Variants in GALNT2 observed in about 807,000 individuals in gnomAD.
GALNT2 encodes polypeptide N-acetylgalactosaminyltransferase 2.
Under a neutral mutation model 81.4 loss-of-function variants are expected in GALNT2, and 31 were observed. The ratio of observed to expected loss-of-function variants is 0.38; its 90% CI spans 0.29 to 0.51. GALNT2 has a LOEUF of 0.51. GALNT2 is among the 20% of genes least tolerant of loss of function. The probability of loss-of-function intolerance (pLI) is 0.87; values close to 1 mark genes in which losing one functional copy is unlikely to be tolerated. For missense variants in GALNT2, 629 were observed against 765.7 expected (o/e 0.82, Z 2.11); for synonymous variants, 303 against 287.4 (o/e 1.05, Z -0.55).
chr1:230,250,591 G>A lies in GALNT2; in HGVS notation c.1009+31G>A. Reference sequence around the variant, plus strand: ...TACAAGCCTCAAATCTCAGGACAGAGAAGTGCCTCAGCTCTGCAAAAGGCA... The same window carrying A: ...TACAAGCCTCAAATCTCAGGACAGAAAAGTGCCTCAGCTCTGCAAAAGGCA... On this transcript the variant is annotated intron_variant, in intron 10 of 15. Transcript: ENST00000366672. 1.9e-6 allele frequency: 3 copies of A among 1,550,054 alleles called. No homozygotes were observed. In the South Asian group the frequency reaches 3.5e-5, roughly 18 times the overall value.
intron 6 of GALNT2, among the ~76,000 whole-genome samples, chr1:230,240,661 C>CT (rs1305335531): frequency 6.9e-6 from 1 of 144,372 alleles, no homozygotes; most frequent in South Asian, 2.1e-4. Context: ...GTCTCTATAT[C>CT]TGTTTTTTTT....
intron 9 of GALNT2, 93 bp downstream of exon 9, chr1:230,249,364 G>A (rs1018219289): frequency 9.3e-7 from 1 of 1,075,498 alleles, no homozygotes; most frequent in South Asian, 1.4e-5. Flanking sequence ...GACCCAGTGG[G>A]GGCTGTTCAC....
chr1:230,264,001 C>T (rs984281664), intron 13 of GALNT2: 1 of 152,294 alleles, frequency 6.6e-6, no homozygotes, highest in East Asian at 1.9e-4. Flanking sequence ...CCCATGCCCC[C>T]TAGGAGGAGA....
At chr1:230,240,237 T>C (rs1665157921) in intron 6 of GALNT2, among the ~76,000 whole-genome samples, 1 of 152,242 alleles carries the variant, frequency 6.6e-6, no homozygotes, top group Admixed American at 6.5e-5. Flanking sequence ...CCTTTGTTAT[T>C]GGAGGCTATT....
At chr1:230,068,000 G>GTGCGCCCC (rs1194267422) in intron 1 of GALNT2, among the ~76,000 whole-genome samples, 9 of 151,946 alleles carry the variant, frequency 5.9e-5, no homozygotes, top group Non-Finnish European at 1.2e-4. Context: ...CCAGGGGCCA[G>GTGCGCCCC]TGCGCCCCTG....
chr1:230,168,550 G>A (rs1572042619), intron 1 of GALNT2, among the ~76,000 whole-genome samples: 1 of 152,344 alleles, frequency 6.6e-6, no homozygotes, highest in East Asian at 1.9e-4. Flanking sequence ...AGGGAGGCAA[G>A]AGGGCTTAAA....
chr1:230,105,841 A>G (rs1660527687), intron 1 of GALNT2, among the ~76,000 whole-genome samples: 1 of 152,180 alleles, frequency 6.6e-6, no homozygotes, highest in Non-Finnish European at 1.5e-5. Context: ...CAAGATGGAC[A>G]ACTAGGAAGT....
In GALNT2 at chr1:230,140,152, G is replaced by T. The variant is rs115500734; in HGVS notation, c.127-38066G>T. ...GGACACCCCTTTCTTCCCCTTGGGGGTCGGCTTTTTAATGGCCAGCTCACC... is the reference window on the plus strand; with the variant it reads ...GGACACCCCTTTCTTCCCCTTGGGGTTCGGCTTTTTAATGGCCAGCTCACC... On this transcript the variant is annotated intron_variant, in intron 1 of 15. Coordinates refer to ENST00000366672, the MANE Select transcript of GALNT2 (RefSeq NM_004481.5). Among the ~76,000 whole-genome samples the T allele has an allele frequency of 4.9e-3, 740 of 152,360 alleles. 4 individuals are homozygous for T. The highest frequency in any genetic ancestry group is 8.4e-3 in the Non-Finnish European group (574 of 68,040).
In GALNT2 at chr1:230,279,254, A is replaced by G. The variant is rs768916517; in HGVS notation, c.1561-49A>G. 6.4e-7 allele frequency: 1 copy of G among 1,571,564 alleles called. No individual in the cohort carries two copies. Among genetic ancestry groups the G allele is most frequent in the African/African-American group, 1.4e-5 (1 of 73,836 alleles). ...CCTGAATTCACACGAATCTGTTTGT[A>G]CTCCTTTGCTTGTGCCCACACTCTA... On this transcript the variant is annotated intron_variant, in intron 15 of 15. Transcript: ENST00000366672. This position sits in a 1 kb window ranked among gnomAD's most constrained non-coding sequence, Gnocchi z 4.6.
intron 6 of GALNT2, among the ~76,000 whole-genome samples, chr1:230,239,975 C>G (rs1361024999): frequency 1.3e-5 from 2 of 152,170 alleles, no homozygotes; most frequent in African/African-American, 4.8e-5. Context: ...TATGTACTAT[C>G]GTTATCATGC....
At chr1:230,086,086 T>C (rs1277618458) in intron 1 of GALNT2, among the ~76,000 whole-genome samples, 1 of 152,232 alleles carries the variant, frequency 6.6e-6, no homozygotes, top group East Asian at 1.9e-4. Flanking sequence ...TCCACCTTCA[T>C]GGAATTCACA....
chr1:230,174,207 G>A (rs1358001007), intron 1 of GALNT2, among the ~76,000 whole-genome samples: 1 of 152,176 alleles, frequency 6.6e-6, no homozygotes, highest in East Asian at 1.9e-4. Context: ...TGGCAGAGGC[G>A]TGGCTGGAAC....
At chr1:230,094,244 C>A (rs1660178689) in intron 1 of GALNT2, among the ~76,000 whole-genome samples, 1 of 140,874 alleles carries the variant, frequency 7.1e-6, no homozygotes, top group Non-Finnish European at 1.5e-5. Context: ...CTCCTGGCTT[C>A]AAGTGATCCT....
intron 1 of GALNT2, among the ~76,000 whole-genome samples, chr1:230,125,564 A>G (rs1051966448): frequency 6.6e-6 from 1 of 152,238 alleles, no homozygotes; most frequent in Non-Finnish European, 1.5e-5. Flanking sequence ...GATTTCGTCA[A>G]TAATGCTGAC....
At chr1:230,145,341 C>T (rs1661882572) in intron 1 of GALNT2, among the ~76,000 whole-genome samples, 2 of 152,222 alleles carry the variant, frequency 1.3e-5, no homozygotes, top group Admixed American at 6.5e-5. Flanking sequence ...CTGGCCAGGC[C>T]TCAGACTCTG....
intron 6 of GALNT2, among the ~76,000 whole-genome samples, chr1:230,241,431 GTT>G (rs112612933): frequency 2.1e-5 from 3 of 145,252 alleles, no homozygotes; most frequent in Non-Finnish European, 3.0e-5. Context: ...GATGAGTATG[GTT>G]TTTTTTTTTC....
At chr1:230,213,262 G>A (rs926659969) in intron 3 of GALNT2, among the ~76,000 whole-genome samples, 5 of 152,196 alleles carry the variant, frequency 3.3e-5, no homozygotes, top group African/African-American at 1.2e-4. Context: ...AGGCAATTAC[G>A]TAGCCTAGTA....
At position 230,229,467 on chromosome 1, in the gene GALNT2, A is replaced by G. The variant is rs190358336; in HGVS notation, c.375-6547A>G. ...TGAGAATACAGAGCAGGATGATCTCATGCAGGTCCGGGCAGGAGTGACACT... is the reference window on the plus strand; with the variant it reads ...TGAGAATACAGAGCAGGATGATCTCGTGCAGGTCCGGGCAGGAGTGACACT... On this transcript the variant is annotated intron_variant, in intron 3 of 15. Coordinates refer to ENST00000366672, the MANE Select transcript of GALNT2 (RefSeq NM_004481.5). Among the ~76,000 whole-genome samples the G allele has an allele frequency of 2.0e-5, 3 of 152,194 alleles. No individual in the cohort carries two copies. The East Asian group carries it at 5.8e-4, about 29-fold the overall frequency.
chr1:230,262,841 C>G, intron 12 of GALNT2, 81 bp from the exon 13 acceptor site: 1 of 1,449,466 alleles, frequency 6.9e-7, no homozygotes, highest in Admixed American at 1.7e-5. Context: ...CCCTGTTCTC[C>G]TCAGCAGATT....
Sources: allele counts gnomAD v4.1 joint callset (sites outside exome capture counted in the v4.1 genomes callset), GRCh38; gene constraint gnomAD v4.1.1; non-coding constraint Gnocchi (gnomAD v3.1); transcripts MANE v1.5; gene names NCBI Gene and HGNC (gene_info 2026-07-23, HGNC 2026-07-21).